The following PDLIM5 variants were observed in gnomAD, a reference collection of about 807,000 sequenced individuals.
PDLIM5 encodes PDZ and LIM domain protein 5.
A neutral mutation model predicts 64.2 loss-of-function variants in PDLIM5; 34 were observed. The ratio of observed to expected loss-of-function variants is 0.53; its 90% CI spans 0.40 to 0.71. The LOEUF (loss-of-function observed/expected upper bound fraction) is 0.71, where lower values mean the gene tolerates loss of function less well. Ranked by LOEUF, PDLIM5 falls within the 30% of genes least tolerant of loss-of-function variation. PDLIM5 has a pLI of 0.00. For missense variants in PDLIM5, 683 were observed against 733.6 expected (o/e 0.93, Z 0.80); for synonymous variants, 253 against 269.1 (o/e 0.94, Z 0.59).
rs1433903355 is a variant in PDLIM5 at position 94,644,756 on chromosome 4, T to A, written c.1283+4306T>A. ...TGGGATTTCACCATGTTAACCAGGATGGTCTTGATCTCCTGACCTCATGAT... is the reference window on the plus strand; with the variant it reads ...TGGGATTTCACCATGTTAACCAGGAAGGTCTTGATCTCCTGACCTCATGAT... On this transcript the variant is annotated intron_variant, in intron 9 of 12. Coordinates refer to ENST00000317968, the MANE Select transcript of PDLIM5 (RefSeq NM_006457.5). 3.3e-5 allele frequency among the ~76,000 whole-genome samples: 5 copies of A among 152,082 alleles called. No homozygotes were observed. The East Asian group carries it at 9.6e-4, about 29-fold the overall frequency.
At chr4:94,611,112 T>G in intron 7 of PDLIM5, 1 of 1,534,206 alleles carries the variant, frequency 6.5e-7, no homozygotes. Flanking sequence ...GGATGCACTT[T>G]GCATCAGCCC....
At chr4:94,475,168 G>T in intron 2 of PDLIM5, among the ~76,000 whole-genome samples, 1 of 151,932 alleles carries the variant, frequency 6.6e-6, no homozygotes, top group South Asian at 2.1e-4. Context: ...CCTAAAGGAG[G>T]GGCAAGAAAT....
chr4:94,571,021 T>C (rs180970627), intron 3 of PDLIM5, among the ~76,000 whole-genome samples: 118 of 152,312 alleles, frequency 7.7e-4, no homozygotes, highest in African/African-American at 2.7e-3. Context: ...CTAAAAACCA[T>C]GTTATTTTAT....
intron 7 of PDLIM5, among the ~76,000 whole-genome samples, chr4:94,588,612 A>G (rs7662466): frequency 0.53 from 80,054 of 151,590 alleles, 21,595 homozygotes; most frequent in African/African-American, 0.61. Context: ...AATAAGACAC[A>G]GTAAAGGATC....
intron 3 of PDLIM5, among the ~76,000 whole-genome samples, chr4:94,545,831 T>C (rs1403865586): frequency 1.3e-5 from 2 of 152,226 alleles, no homozygotes; most frequent in Admixed American, 1.3e-4. Flanking sequence ...ATTTTTCATC[T>C]AATTTCTTAT....
intron 7 of PDLIM5, chr4:94,587,013 T>C: frequency 1.2e-6 from 2 of 1,608,166 alleles, no homozygotes; most frequent in Non-Finnish European, 1.7e-6. Context: ...TTCACGTCTT[T>C]AGTCCCAAAT....
intron 8 of PDLIM5, among the ~76,000 whole-genome samples, chr4:94,619,236 T>G (rs6851080): frequency 0.064 from 9,755 of 152,256 alleles, 1,065 homozygotes; most frequent in African/African-American, 0.22. Flanking sequence ...TCAGAGCCAT[T>G]GCTTTGATTC....
chr4:94,466,343 C>CA (rs1316867529), intron 2 of PDLIM5, among the ~76,000 whole-genome samples: 3 of 151,936 alleles, frequency 2.0e-5, no homozygotes, highest in Admixed American at 6.6e-5. Context: ...AGATTATTAA[C>CA]AAAAAAATAT....
chr4:94,594,902 C>T (rs2110337431), intron 7 of PDLIM5, among the ~76,000 whole-genome samples: 1 of 152,194 alleles, frequency 6.6e-6, no homozygotes, highest in South Asian at 2.1e-4. Flanking sequence ...TGTTCTCATA[C>T]TGCTAAAAAG....
intron 3 of PDLIM5, among the ~76,000 whole-genome samples, chr4:94,552,072 C>T (rs1330708780): frequency 6.6e-6 from 1 of 152,134 alleles, no homozygotes. Context: ...TTCTCAATAG[C>T]TACCTAATGC....
At chr4:94,463,337 C>G (rs553279501) in intron 2 of PDLIM5, among the ~76,000 whole-genome samples, 1 of 152,212 alleles carries the variant, frequency 6.6e-6, no homozygotes, top group East Asian at 1.9e-4. Flanking sequence ...TACTGATAGC[C>G]TACTGTTGAT....
chr4:94,488,609 A>C (rs887363822), intron 2 of PDLIM5, among the ~76,000 whole-genome samples: 1 of 152,208 alleles, frequency 6.6e-6, no homozygotes, highest in Non-Finnish European at 1.5e-5. Flanking sequence ...TTTTGATACA[A>C]AAATTTCACT....
At chr4:94,650,252 C>G (rs967686410) in intron 9 of PDLIM5, among the ~76,000 whole-genome samples, 1 of 152,138 alleles carries the variant, frequency 6.6e-6, no homozygotes, top group African/African-American at 2.4e-5. Flanking sequence ...GCAGTTTCTC[C>G]TGATTATCTT....
intron 3 of PDLIM5, among the ~76,000 whole-genome samples, chr4:94,569,795 A>T (rs918871791): frequency 6.6e-6 from 1 of 152,214 alleles, no homozygotes; most frequent in Non-Finnish European, 1.5e-5. Flanking sequence ...TGCTACTTAA[A>T]TTTAAATTTG....
chr4:94,651,537 A>G (rs568822389), intron 9 of PDLIM5, among the ~76,000 whole-genome samples: 4 of 152,340 alleles, frequency 2.6e-5, no homozygotes, highest in African/African-American at 9.6e-5. Flanking sequence ...GGGAAAAAGA[A>G]TGAAATTCAT....
At chr4:94,518,996 C>T (rs1455497642) in intron 2 of PDLIM5, among the ~76,000 whole-genome samples, 5 of 152,262 alleles carry the variant, frequency 3.3e-5, no homozygotes, top group South Asian at 4.2e-4. Flanking sequence ...GTGGCAACAC[C>T]TAACTGTCCT....
chr4:94,527,043 A>ATCCT (rs1560678698), intron 3 of PDLIM5, among the ~76,000 whole-genome samples: 1 of 94,304 alleles, frequency 1.1e-5, no homozygotes, highest in African/African-American at 3.9e-5. Context: ...CCTGAACAGC[A>ATCCT]TTCTTTTTTT....
chr4:94,540,044 A>G (rs1376037692), intron 3 of PDLIM5, among the ~76,000 whole-genome samples: 2 of 152,048 alleles, frequency 1.3e-5, no homozygotes, highest in Non-Finnish European at 2.9e-5. Context: ...AGAGCAGGTA[A>G]TGTGTGTCAG....
intron 7 of PDLIM5, among the ~76,000 whole-genome samples, chr4:94,597,591 A>C (rs143485480): frequency 4.5e-4 from 69 of 152,210 alleles, no homozygotes; most frequent in Non-Finnish European, 7.9e-4. Context: ...GAGGGATTTG[A>C]AGCCCCCCAT....
Sources: allele counts gnomAD v4.1 joint callset (sites outside exome capture counted in the v4.1 genomes callset), GRCh38; gene constraint gnomAD v4.1.1; transcripts MANE v1.5; gene names NCBI Gene and HGNC (gene_info 2026-07-23, HGNC 2026-07-21).